QKI: variants seen among roughly 807,000 people sequenced by gnomAD.
QKI encodes the protein QKI, KH domain containing RNA binding.
A neutral mutation model predicts 39.0 loss-of-function variants in QKI; 10 were observed. The observed-to-expected ratio is 0.26, with a 90% confidence interval of 0.16 to 0.43. The LOEUF (loss-of-function observed/expected upper bound fraction) is 0.43. Ranked by LOEUF, QKI falls within the 20% of genes least tolerant of loss-of-function variation. The probability of loss-of-function intolerance (pLI) is 1.00; values close to 1 mark genes in which losing one functional copy is unlikely to be tolerated. For synonymous variants in QKI, 204 were observed against 155.4 expected, an observed-to-expected ratio of 1.31 and a Z score of -2.33; for missense variants, 218 against 428.0, an observed-to-expected ratio of 0.51 and a Z score of 4.33.
At chr6:163,549,579 A>G (rs749166344) in intron 4 of QKI, among the ~76,000 whole-genome samples, 1 of 152,068 alleles carries the variant, frequency 6.6e-6, no homozygotes, top group Non-Finnish European at 1.5e-5. Context: ...GGGCATGGTG[A>G]CGCACACATG....
intron 3 of QKI, among the ~76,000 whole-genome samples, chr6:163,516,907 T>C (rs1779836086): frequency 6.6e-6 from 1 of 152,118 alleles, no homozygotes; most frequent in African/African-American, 2.4e-5. Flanking sequence ...GCCTCTTGGG[T>C]TCATGCCATG....
intron 4 of QKI, 43 bp downstream of exon 4, chr6:163,535,168 T>C: frequency 6.6e-7 from 1 of 1,509,696 alleles, no homozygotes; most frequent in Non-Finnish European, 8.9e-7. Flanking sequence ...CCTCGTCCTT[T>C]TTTGTCAGTT....
rs199715703 is a variant in QKI at position 163,467,038 on chromosome 6, C to CAAA, written c.285+11631_285+11633dup. Among the ~76,000 whole-genome samples, 149 of 105,156 alleles carry CAAA rather than the reference C, an allele frequency of 1.4e-3. 1 individual carries two copies. Among genetic ancestry groups the CAAA allele is most frequent in the African/African-American group, 4.4e-3 (142 of 32,622 alleles). The allele number at this position is 105,156 out of a possible 152,430, so 69.0% of individuals were successfully genotyped here. A position where few individuals can be genotyped will look rare whatever the true frequency, so the allele number is the denominator to read the frequency against. On this transcript the variant is annotated intron_variant, in intron 2 of 7. Coordinates refer to ENST00000361752, the MANE Select transcript of QKI (RefSeq NM_006775.3). ...AACTCAGCCCAAAACAACAAAACAGCAAAAAAAAAAAAAAAATGACATCAC... is the reference window on the plus strand; with the variant it reads ...AACTCAGCCCAAAACAACAAAACAGCAAAAAAAAAAAAAAAAAAATGACATCAC...
chr6:163,468,583 A>T (rs1282172265), intron 2 of QKI, among the ~76,000 whole-genome samples: 1 of 152,228 alleles, frequency 6.6e-6, no homozygotes, highest in Non-Finnish European at 1.5e-5. Context: ...AGCATTAGAC[A>T]TAATTGTTGT....
chr6:163,483,041 G>C (rs1028435873), intron 3 of QKI, among the ~76,000 whole-genome samples: 5 of 152,112 alleles, frequency 3.3e-5, no homozygotes, highest in African/African-American at 4.8e-5. Flanking sequence ...ACAGGTTCCA[G>C]ACCACCACAA....
intron 2 of QKI, among the ~76,000 whole-genome samples, chr6:163,456,297 ATTTTCTCTC>A (rs1352825639): frequency 6.6e-6 from 1 of 151,252 alleles, no homozygotes; most frequent in African/African-American, 2.4e-5. Flanking sequence ...TTTCTGGTTT[ATTTTCTCTC>A]TCTCTGTCTC....
At chr6:163,524,338 ATTATC>A (rs1270237867) in intron 3 of QKI, among the ~76,000 whole-genome samples, 2 of 104,886 alleles carry the variant, frequency 1.9e-5, no homozygotes, top group Non-Finnish European at 4.3e-5. Flanking sequence ...TAAAAAATAA[ATTATC>A]TTAAGCTACT....
chr6:163,550,990 C>T (rs73246662), intron 4 of QKI, among the ~76,000 whole-genome samples: 1 of 150,366 alleles, frequency 6.7e-6, no homozygotes, highest in Non-Finnish European at 1.5e-5. Context: ...ACAGGGGCAT[C>T]GATCAAATTT....
chr6:163,527,557 A>G (rs1044859881), intron 3 of QKI, among the ~76,000 whole-genome samples: 3 of 152,158 alleles, frequency 2.0e-5, no homozygotes, highest in Non-Finnish European at 4.4e-5. Flanking sequence ...GGGGTGGGAC[A>G]ATCAGTATAC....
rs1246866448 is a variant in QKI, at chr6:163,574,325, T to C, written c.*3615T>C. On this transcript the variant is annotated 3_prime_UTR_variant, in exon 8 of 8. Coordinates refer to ENST00000361752, the MANE Select transcript of QKI (RefSeq NM_006775.3). ...TTTACCTTTATTTAGATTTTTGTTT[T>C]AACTTGACCTTTTTCCTTTGGAAAG... 1 of 152,246 alleles carries C rather than the reference T, an allele frequency of 6.6e-6. No individual in the cohort carries two copies. The highest frequency in any genetic ancestry group is 2.4e-5 in the African/African-American group (1 of 41,472). 9.4% of individuals were successfully genotyped at this position (152,246 alleles called of 1,614,324 possible).
intron 1 of QKI, 68 bp from the exon 2 acceptor site, chr6:163,455,211 C>T: frequency 7.3e-7 from 1 of 1,367,412 alleles, no homozygotes; most frequent in Non-Finnish European, 9.9e-7. Flanking sequence ...CCTGCCCTCT[C>T]TTTTTTCCTC....
intron 1 of QKI, among the ~76,000 whole-genome samples, chr6:163,440,441 C>G (rs1476897863): frequency 1.3e-5 from 2 of 152,182 alleles, no homozygotes; most frequent in Non-Finnish European, 2.9e-5. Context: ...ATGCTGACTT[C>G]CACCACAGAG....
chr6:163,564,544 C>A, intron 6 of QKI: 1 of 1,545,610 alleles, frequency 6.5e-7, no homozygotes, highest in Non-Finnish European at 8.7e-7. Flanking sequence ...AAATAAATAG[C>A]AAATCACTGA....
intron 4 of QKI, among the ~76,000 whole-genome samples, chr6:163,541,479 ATCT>A (rs929553672): frequency 2.8e-5 from 4 of 144,234 alleles, no homozygotes; most frequent in African/African-American, 1.0e-4. Context: ...AAGCACTCAG[ATCT>A]TCTCCTATGT....
rs184153679 is a variant in QKI, at chr6:163,524,502, C to T, written c.403-10480C>T. On this transcript the variant is annotated intron_variant, in intron 3 of 7. Coordinates refer to ENST00000361752, the MANE Select transcript of QKI (RefSeq NM_006775.3). Reference sequence around the variant, plus strand: ...TTTTGAGATGGAGTTTCGTTTCGCTCTTGTTGCCCAGGCTGGAGTGCAGTG... The same window carrying T: ...TTTTGAGATGGAGTTTCGTTTCGCTTTTGTTGCCCAGGCTGGAGTGCAGTG... Among the ~76,000 whole-genome samples the T allele has an allele frequency of 2.8e-3, 433 of 152,004 alleles. 2 individuals carry two copies. The highest frequency in any genetic ancestry group is 9.7e-3 in the African/African-American group (402 of 41,450).
chr6:163,472,123 A>ATCGGTAAG (rs1792241262), intron 2 of QKI, among the ~76,000 whole-genome samples: 1 of 152,192 alleles, frequency 6.6e-6, no homozygotes, highest in Non-Finnish European at 1.5e-5. Flanking sequence ...AACTACTGAT[A>ATCGGTAAG]GCCTACTGTC....
chr6:163,545,648 C>G (rs1260277456), intron 4 of QKI, among the ~76,000 whole-genome samples: 1 of 152,064 alleles, frequency 6.6e-6, no homozygotes, highest in Non-Finnish European at 1.5e-5. Flanking sequence ...CTTTCCCAAA[C>G]AGAGACTCTG....
At chr6:163,568,921 A>G (rs1783536336) in intron 7 of QKI, 1 of 985,752 alleles carries the variant, frequency 1.0e-6, no homozygotes. Context: ...CAGAGGATGT[A>G]GTCTAGGTGT....
chr6:163,477,718 C>T (rs528529474), intron 2 of QKI, among the ~76,000 whole-genome samples: 27 of 152,234 alleles, frequency 1.8e-4, no homozygotes, highest in Middle Eastern at 6.8e-3. Flanking sequence ...ATGATACAGG[C>T]GTACTACCTA....
Sources: gnomAD v4.1 joint callset for allele counts (sites outside exome capture counted in the v4.1 genomes callset) on GRCh38, gnomAD v4.1.1 for gene constraint, MANE v1.5 for transcripts, NCBI Gene and HGNC (gene_info 2026-07-23, HGNC 2026-07-21) for gene names.